The following AP2B1 variants were observed in gnomAD, a reference collection of about 807,000 sequenced individuals.
The protein encoded by AP2B1 is adaptor related protein complex 2 subunit beta 1, also known as AP-2 complex subunit beta.
AP2B1 carries 23 observed loss-of-function variants against 102.0 expected under a neutral mutation model. The ratio of observed to expected loss-of-function variants is 0.23; its 90% CI spans 0.16 to 0.32. The LOEUF is 0.32. Ranked by LOEUF, AP2B1 falls within the 10% of genes least tolerant of loss-of-function variation. The pLI is 1.00. For synonymous variants in AP2B1, 381 were observed against 421.2 expected, an observed-to-expected ratio of 0.90 and a Z score of 1.17; for missense variants, 541 against 1,157.4, an observed-to-expected ratio of 0.47 and a Z score of 7.73.
At chr17:35,635,727 G>T (rs893173559) in intron 9 of AP2B1, among the ~76,000 whole-genome samples, 2 of 151,974 alleles carry the variant, frequency 1.3e-5, no homozygotes, top group Non-Finnish European at 2.9e-5. Context: ...ACAGAATTTC[G>T]CTGTTGTTGC....
intron 9 of AP2B1, among the ~76,000 whole-genome samples, chr17:35,628,859 T>C (rs2074387369): frequency 2.6e-5 from 4 of 152,210 alleles, no homozygotes; most frequent in Non-Finnish European, 5.9e-5. Context: ...GCAAAATTTA[T>C]GCATATTACG....
intron 17 of AP2B1, among the ~76,000 whole-genome samples, chr17:35,680,063 C>T (rs140787828): frequency 4.7e-4 from 71 of 151,862 alleles, no homozygotes; most frequent in African/African-American, 1.7e-3. Context: ...CGACCACGCC[C>T]GACTAATTTT....
chr17:35,647,151 C>T (rs225278), intron 12 of AP2B1, among the ~76,000 whole-genome samples: 131,685 of 152,238 alleles, frequency 0.86, 57,280 homozygotes, highest in East Asian at 0.97. Flanking sequence ...GTACATGTGC[C>T]TTAAGGACTG....
At chr17:35,639,896 G>A in intron 11 of AP2B1, 136 bp downstream of exon 11, 2 of 750,996 alleles carry the variant, frequency 2.7e-6, no homozygotes, top group Admixed American at 3.3e-5. Flanking sequence ...CAACAGGGAT[G>A]TCTCTTCTCA....
intron 5 of AP2B1, among the ~76,000 whole-genome samples, chr17:35,623,753 C>T (rs1044344368): frequency 6.6e-6 from 1 of 152,162 alleles, no homozygotes; most frequent in African/African-American, 2.4e-5. Context: ...CTTAAATTTA[C>T]ATAAGGCTTT....
intron 14 of AP2B1, among the ~76,000 whole-genome samples, chr17:35,658,373 A>G (rs2075282312): frequency 6.8e-6 from 1 of 146,960 alleles, no homozygotes; most frequent in Admixed American, 7.0e-5. Context: ...CACCTACTCC[A>G]TTCTATCATA....
chr17:35,659,729 C>T (rs2075315760), intron 14 of AP2B1: 1 of 863,906 alleles, frequency 1.2e-6, no homozygotes, highest in South Asian at 5.3e-5. Flanking sequence ...CATTTCCTGA[C>T]TTTGGGATCT....
intron 21 of AP2B1, 76 bp downstream of exon 21, chr17:35,717,425 T>C (rs1314540802): frequency 1.3e-6 from 2 of 1,516,512 alleles, no homozygotes; most frequent in Non-Finnish European, 1.8e-6. Flanking sequence ...CTTAGCACCC[T>C]AGAAAGACCT....
chr17:35,608,682 A>C (rs1017599136), intron 5 of AP2B1, among the ~76,000 whole-genome samples: 2 of 152,182 alleles, frequency 1.3e-5, no homozygotes, highest in Non-Finnish European at 2.9e-5. Context: ...TTGGCCGTAA[A>C]TTTATATATA....
At chr17:35,605,132 G>A (rs1052146986) in intron 3 of AP2B1, among the ~76,000 whole-genome samples, 5 of 151,976 alleles carry the variant, frequency 3.3e-5, no homozygotes, top group African/African-American at 1.2e-4. Context: ...TTGAACACCT[G>A]GTCTCAAGTG....
At chr17:35,621,460 AT>A in intron 5 of AP2B1, 1 of 523,242 alleles carries the variant, frequency 1.9e-6, no homozygotes, top group Non-Finnish European at 2.5e-6. Flanking sequence ...ACTTCAAGAA[AT>A]TTTAGAGAAA....
At chr17:35,640,241 T>A (rs77714112) in intron 11 of AP2B1, among the ~76,000 whole-genome samples, 34 of 131,670 alleles carry the variant, frequency 2.6e-4, no homozygotes, top group South Asian at 1.7e-3. Flanking sequence ...TTTTTTTTTT[T>A]TTTTTTTTTT....
chr17:35,668,195 C>A (rs1416421926), intron 14 of AP2B1, among the ~76,000 whole-genome samples: 1 of 152,102 alleles, frequency 6.6e-6, no homozygotes, highest in Non-Finnish European at 1.5e-5. Context: ...CCTCGGCTTC[C>A]CAAAGTGCTG....
intron 21 of AP2B1, among the ~76,000 whole-genome samples, chr17:35,717,925 A>G (rs1172354591): frequency 1.3e-5 from 2 of 152,256 alleles, no homozygotes; most frequent in Non-Finnish European, 2.9e-5. Flanking sequence ...TCTGGCAATA[A>G]TAAGGCAGAA....
intron 12 of AP2B1, among the ~76,000 whole-genome samples, chr17:35,646,812 C>T (rs2074946939): frequency 6.6e-6 from 1 of 152,030 alleles, no homozygotes; most frequent in African/African-American, 2.4e-5. Context: ...TGGTCTCAAA[C>T]CCCTGGCCTC....
chr17:35,723,419 G>A (rs2085460019), intron 21 of AP2B1, among the ~76,000 whole-genome samples: 1 of 152,216 alleles, frequency 6.6e-6, no homozygotes. Flanking sequence ...TGGAATGGAG[G>A]TAGAAGCACA....
chr17:35,658,654 A>G (rs563329977), intron 14 of AP2B1, among the ~76,000 whole-genome samples: 28 of 152,294 alleles, frequency 1.8e-4, no homozygotes, highest in East Asian at 3.9e-4. Context: ...TGTCAACCCA[A>G]TGACTATAAA....
At chr17:35,626,305 A>G (rs148693526) in intron 6 of AP2B1, among the ~76,000 whole-genome samples, 1 of 152,114 alleles carries the variant, frequency 6.6e-6, no homozygotes, top group African/African-American at 2.4e-5. Flanking sequence ...TGGGGAGACA[A>G]AGAGGACTAT....
chr17:35,608,374 A>G lies in AP2B1; in HGVS notation c.512A>G (p.Asp171Gly), dbSNP rs1320904577. ...GATTCTCTACGGGATCTCATAGCAG[A>G]TTCAAATCCAATGGTAATAAGCTTC... Reference protein sequence around the residue: ...FLDSLRDLIADSNPMVVANAV... With the variant: ...FLDSLRDLIAGSNPMVVANAV... The change falls in exon 5 of 22, where the codon GAT becomes GGT. Residue 171 changes from aspartate to glycine, a missense_variant. Asp to Gly is a moderately conservative substitution (Grantham distance 94, BLOSUM62 -1). Transcript: ENST00000610402. The G allele has an allele frequency of 1.9e-6, 3 of 1,614,094 alleles. No homozygotes were observed. Among genetic ancestry groups the G allele is most frequent in the Non-Finnish European group, 2.5e-6 (3 of 1,180,048 alleles).
Sources: allele counts gnomAD v4.1 joint callset (sites outside exome capture counted in the v4.1 genomes callset), GRCh38; gene constraint gnomAD v4.1.1; transcripts MANE v1.5; gene names NCBI Gene and HGNC (gene_info 2026-07-23, HGNC 2026-07-21).